The following PCDHA1 variants were observed in gnomAD, a reference collection of about 807,000 sequenced individuals.
PCDHA1 encodes protocadherin alpha-1.
Under a neutral mutation model 61.3 loss-of-function variants are expected in PCDHA1, and 42 were observed. The observed-to-expected ratio is 0.69, with a 90% CI of 0.54 to 0.89. PCDHA1 has a LOEUF of 0.89. Ranked by LOEUF, PCDHA1 falls within the 40% of genes least tolerant of loss-of-function variation. The pLI is 0.00. For missense variants in PCDHA1, 1,256 were observed against 1,235.3 expected (o/e 1.02, Z -0.25); for synonymous variants, 610 against 553.8 (o/e 1.10, Z -1.43).
chr5:140,797,082 G>A (rs376374088), intron 1 of PCDHA1: 146 of 1,613,950 alleles, frequency 9.0e-5, no homozygotes, highest in Admixed American at 1.3e-4. Context: ...CCATCTGCGC[G>A]GTATCCAGCC....
chr5:140,875,313 C>T, intron 1 of PCDHA1: 3 of 1,425,730 alleles, frequency 2.1e-6, no homozygotes, highest in Non-Finnish European at 9.1e-7. Flanking sequence ...CACCCACATT[C>T]CAATCATTCA....
chr5:140,972,218 C>A (rs367920234), intron 1 of PCDHA1, among the ~76,000 whole-genome samples: 129 of 152,040 alleles, frequency 8.5e-4, no homozygotes, highest in Middle Eastern at 3.4e-3. Flanking sequence ...TGGCTCACTG[C>A]AGCCTCGACC....
At chr5:140,876,947 A>G in intron 1 of PCDHA1, 5 of 1,613,496 alleles carry the variant, frequency 3.1e-6, no homozygotes, top group South Asian at 1.1e-5. Flanking sequence ...CTGGTGTCCT[A>G]CTCGCTGGTG....
chr5:140,839,258 G>A (rs1776122632), intron 1 of PCDHA1, among the ~76,000 whole-genome samples: 1 of 151,954 alleles, frequency 6.6e-6, no homozygotes, highest in Non-Finnish European at 1.5e-5. Flanking sequence ...ATGCTTACAT[G>A]CATGTATATT....
In PCDHA1 at chr5:140,929,084, T is replaced by C; in HGVS notation, c.2395-49865T>C. On this transcript the variant is annotated intron_variant, in intron 1 of 3. Transcript: ENST00000504120. ...GAGGATCTGAGGTATGGAAGTAAGATGGTTTCAAATCCTTGCATGACATCA... is the reference window on the plus strand; with the variant it reads ...GAGGATCTGAGGTATGGAAGTAAGACGGTTTCAAATCCTTGCATGACATCA... The C allele has an allele frequency of 1.9e-6, 3 of 1,614,160 alleles. No individual in the cohort carries two copies. The South Asian group carries it at 3.3e-5, about 18-fold the overall frequency.
chr5:140,917,334 G>GC (rs1563019411), intron 1 of PCDHA1, among the ~76,000 whole-genome samples: 1 of 147,630 alleles, frequency 6.8e-6, no homozygotes, highest in Non-Finnish European at 1.5e-5. Context: ...CGGGGGAGGG[G>GC]GGGGATGGTG....
At chr5:140,823,311 G>T (rs2150124582) in intron 1 of PCDHA1, 1 of 1,612,350 alleles carries the variant, frequency 6.2e-7, no homozygotes, top group South Asian at 1.1e-5. Flanking sequence ...TGCACGCGGA[G>T]AGCGGCAAGG....
intron 1 of PCDHA1, chr5:140,967,981 G>C: frequency 6.2e-7 from 1 of 1,614,202 alleles, no homozygotes; most frequent in Non-Finnish European, 8.5e-7. Flanking sequence ...TGGGTCTGGA[G>C]GCCACACTGC....
chr5:140,808,762 C>T (rs150405058), intron 1 of PCDHA1: 8 of 1,612,224 alleles, frequency 5.0e-6, no homozygotes, highest in African/African-American at 1.3e-5. Flanking sequence ...CGCTGGACCA[C>T]GAGGAGCTAG....
chr5:140,850,279 G>A lies in PCDHA1; in HGVS notation c.2394+61595G>A, dbSNP rs140634296. On this transcript the variant is annotated intron_variant, in intron 1 of 3. Coordinates refer to ENST00000504120, the MANE Select transcript of PCDHA1 (RefSeq NM_018900.4). ...GCCGGCGTAGTGGTGGGGAAGGTGC[G>A]CGCAGTGGACGCCGACTCGGGCTAC... The A allele has an allele frequency of 3.4e-5, 54 of 1,595,452 alleles. 4 individuals carry two copies. The highest frequency in any genetic ancestry group is 4.5e-5 in the Non-Finnish European group (53 of 1,167,590).
At chr5:140,851,235 T>C (rs2041998909) in intron 1 of PCDHA1, 4 of 1,129,042 alleles carry the variant, frequency 3.5e-6, no homozygotes, top group Non-Finnish European at 4.5e-6. Flanking sequence ...CATTTATTTA[T>C]TGCTAAATGA....
Position 140,886,842 on chromosome 5 carries a change from A to AG in PCDHA1, c.2395-92107_2395-92106insG, listed in dbSNP as rs1190647876. ...ACTTCGTCTTGAAAAAAAAAAAAAA[A>AG]AAAAAGAAAGGTCTTCCCAACTCCT... is the stretch of plus-strand genomic sequence containing the variant. On this transcript the variant is annotated intron_variant, in intron 1 of 3. Coordinates refer to ENST00000504120, the MANE Select transcript of PCDHA1 (RefSeq NM_018900.4). 2.4e-3 allele frequency among the ~76,000 whole-genome samples: 362 copies of AG among 151,632 alleles called. 2 individuals are homozygous for AG. Among genetic ancestry groups the AG allele is most frequent in the Middle Eastern group, 0.014 (4 of 292 alleles).
chr5:140,994,314 C>T (rs936811729), intron 3 of PCDHA1, among the ~76,000 whole-genome samples: 4 of 152,192 alleles, frequency 2.6e-5, no homozygotes, highest in African/African-American at 9.6e-5. Flanking sequence ...AGGGCCCAAA[C>T]ACTCTCAGCA....
intron 1 of PCDHA1, among the ~76,000 whole-genome samples, chr5:140,947,316 G>A (rs1325852826): frequency 2.6e-5 from 4 of 151,352 alleles, no homozygotes; most frequent in East Asian, 1.9e-4. Context: ...GTAAAAAGTC[G>A]GTTGACCATA....
chr5:140,835,559 C>T, intron 1 of PCDHA1: 1 of 1,613,922 alleles, frequency 6.2e-7, no homozygotes, highest in Non-Finnish European at 8.5e-7. Flanking sequence ...TGACGCCCCG[C>T]GTTCCCTTCA....
chr5:140,969,281 A>C, intron 1 of PCDHA1: 5 of 1,614,220 alleles, frequency 3.1e-6, no homozygotes, highest in Non-Finnish European at 3.4e-6. Context: ...AAGTGGTCAG[A>C]ATGCTGGGAA....
At chr5:140,829,903 C>T (rs2150177416) in intron 1 of PCDHA1, 3 of 1,613,978 alleles carry the variant, frequency 1.9e-6, no homozygotes, top group Non-Finnish European at 1.7e-6. Flanking sequence ...CAGGCTACAA[C>T]GCGTGGCTTT....
intron 1 of PCDHA1, among the ~76,000 whole-genome samples, chr5:140,932,800 C>A (rs1041924506): frequency 6.6e-6 from 1 of 151,684 alleles, no homozygotes; most frequent in Non-Finnish European, 1.5e-5. Context: ...AAAAGCAATA[C>A]CTTGGAAACA....
At chr5:140,954,065 G>A (rs2153701349) in intron 1 of PCDHA1, among the ~76,000 whole-genome samples, 1 of 152,278 alleles carries the variant, frequency 6.6e-6, no homozygotes, top group African/African-American at 2.4e-5. Context: ...TTATTATGCT[G>A]AGGATAATGG....
Sources: allele counts gnomAD v4.1 joint callset (sites outside exome capture counted in the v4.1 genomes callset), GRCh38; gene constraint gnomAD v4.1.1; transcripts MANE v1.5; gene names NCBI Gene and HGNC (gene_info 2026-07-23, HGNC 2026-07-21).